HCFC2: variants seen among roughly 807,000 people sequenced by gnomAD.
HCFC2 encodes host cell factor C2.
Under a neutral mutation model 89.2 loss-of-function variants are expected in HCFC2, and 18 were observed. That is an observed-to-expected ratio of 0.20 (90% CI 0.14 to 0.30). The LOEUF (loss-of-function observed/expected upper bound fraction) is 0.30, where lower values mean the gene tolerates loss of function less well. Among genes scored for constraint, HCFC2 ranks in the 10% least tolerant of loss-of-function variants. The pLI is 1.00. For missense variants in HCFC2, 578 were observed against 956.1 expected (o/e 0.60, Z 5.21); for synonymous variants, 308 against 335.7 (o/e 0.92, Z 0.90).
Position 104,103,834 on chromosome 12 carries a change from G to A in HCFC2, c.*561G>A, listed in dbSNP as rs1017219207. 3 of 152,052 alleles carry A rather than the reference G, an allele frequency of 2.0e-5. No individual in the cohort carries two copies. Among genetic ancestry groups the A allele is most frequent in the African/African-American group, 7.2e-5 (3 of 41,420 alleles). 9.4% of individuals were successfully genotyped at this position (152,052 alleles called of 1,614,324 possible). ...GCACAGAGCTTAAGAAATTAAAAAA[G>A]AGGCAAGTTTAGAAACTGCTTTTGA... On this transcript the variant is annotated 3_prime_UTR_variant, in exon 15 of 15. Transcript: ENST00000229330.
At chr12:104,072,055 A>G (rs1883339580) in intron 3 of HCFC2, among the ~76,000 whole-genome samples, 1 of 152,046 alleles carries the variant, frequency 6.6e-6, no homozygotes, top group Non-Finnish European at 1.5e-5. Flanking sequence ...GATATGTTTT[A>G]TGTTTTATTT....
chr12:104,073,985 A>G (rs1187494548), intron 3 of HCFC2, among the ~76,000 whole-genome samples: 1 of 152,208 alleles, frequency 6.6e-6, no homozygotes. Flanking sequence ...ATGGCCTATG[A>G]AGCCTAAAAT....
chr12:104,092,186 G>C (rs1483893638), intron 9 of HCFC2, among the ~76,000 whole-genome samples: 1 of 152,170 alleles, frequency 6.6e-6, no homozygotes, highest in Non-Finnish European at 1.5e-5. Flanking sequence ...TAAATGTGGC[G>C]GCTGGGTTCT....
chr12:104,065,050 G>T, intron 1 of HCFC2: 9 of 236,630 alleles, frequency 3.8e-5, no homozygotes, highest in Non-Finnish European at 5.6e-5. Flanking sequence ...GCCACTCCCC[G>T]AAATCTCGCC....
intron 9 of HCFC2, among the ~76,000 whole-genome samples, chr12:104,092,797 AT>A (rs549047399): frequency 9.9e-5 from 15 of 152,058 alleles, no homozygotes; most frequent in Non-Finnish European, 2.1e-4. Flanking sequence ...AGTAGTAATA[AT>A]TTTTTTTAAA....
At chr12:104,089,349 T>TA (rs1048034012) in intron 9 of HCFC2, among the ~76,000 whole-genome samples, 4 of 151,514 alleles carry the variant, frequency 2.6e-5, no homozygotes, top group Admixed American at 1.3e-4. Flanking sequence ...TGTCTCTCCT[T>TA]AAAAAAAATG....
chr12:104,091,482 T>C (rs2136621282), intron 9 of HCFC2, among the ~76,000 whole-genome samples: 1 of 152,374 alleles, frequency 6.6e-6, no homozygotes, highest in East Asian at 1.9e-4. Context: ...TCTTCTGCCA[T>C]TCTCTTTTTC....
chr12:104,099,896 A>G (rs2029883069), intron 13 of HCFC2, among the ~76,000 whole-genome samples: 2 of 152,066 alleles, frequency 1.3e-5, no homozygotes, highest in Non-Finnish European at 2.9e-5. Flanking sequence ...GGCTCAAGTG[A>G]TCCTTCCATC....
At chr12:104,074,928 G>C (rs928344584) in intron 3 of HCFC2, among the ~76,000 whole-genome samples, 10 of 151,972 alleles carry the variant, frequency 6.6e-5, no homozygotes, top group Admixed American at 5.9e-4. Context: ...CCTGGGATTG[G>C]TATATGATCT....
At chr12:104,092,027 TAGAG>T (rs982905238) in intron 9 of HCFC2, among the ~76,000 whole-genome samples, 6 of 151,984 alleles carry the variant, frequency 3.9e-5, no homozygotes, top group East Asian at 1.9e-4. Context: ...ACAATAAAAA[TAGAG>T]AGAGAACAGT....
intron 9 of HCFC2, among the ~76,000 whole-genome samples, chr12:104,089,196 T>C (rs971251181): frequency 2.0e-5 from 3 of 152,174 alleles, no homozygotes; most frequent in African/African-American, 7.2e-5. Context: ...CCCACAGATA[T>C]GGAGGACCAA....
chr12:104,069,615 C>T (rs1045943509), intron 3 of HCFC2, among the ~76,000 whole-genome samples: 15 of 150,348 alleles, frequency 1.0e-4, no homozygotes, highest in African/African-American at 3.6e-4. Flanking sequence ...TCCTGCTGCT[C>T]CATCCATGCT....
chr12:104,096,376 A>G lies in HCFC2; in HGVS notation c.1683A>G (p.Ala561=), dbSNP rs1399735988. The G allele has an allele frequency of 6.2e-7, 1 of 1,604,814 alleles. No individual in the cohort carries two copies. Among genetic ancestry groups the G allele is most frequent in the Non-Finnish European group, 8.5e-7 (1 of 1,173,738 alleles). Residue 561 remains alanine (A), a synonymous_variant, in exon 12 of 15, where the codon GCA becomes GCG. Transcript: ENST00000229330. ...AATTTTTAGTTGATGAAACATATGC[A>G]CTGCCTGCAACGAAGATCAGCCGTG... ...STKSEVDETY[A]LPATKISRVE...
At chr12:104,085,655 C>G (rs1883812988) in intron 7 of HCFC2, among the ~76,000 whole-genome samples, 2 of 151,150 alleles carry the variant, frequency 1.3e-5, no homozygotes, top group African/African-American at 2.4e-5. Context: ...TGCTTTTCCT[C>G]TTGATAAGTT....
chr12:104,087,900 T>TTA (rs1883915634), intron 8 of HCFC2, 86 bp from the exon 9 acceptor site: 2 of 716,928 alleles, frequency 2.8e-6, no homozygotes, highest in Non-Finnish European at 4.2e-6. Context: ...TTTTTAAACT[T>TTA]TAATATGTAA....
intron 3 of HCFC2, among the ~76,000 whole-genome samples, chr12:104,072,609 T>G (rs1405511855): frequency 6.6e-6 from 1 of 152,122 alleles, no homozygotes; most frequent in Non-Finnish European, 1.5e-5. Flanking sequence ...TTCCTAAGTT[T>G]TTTATTCTTT....
intron 7 of HCFC2, 37 bp from the exon 8 acceptor site, chr12:104,086,810 G>T (rs1883864467): frequency 6.3e-7 from 1 of 1,584,316 alleles, no homozygotes. Flanking sequence ...TTTATACACT[G>T]GAAACTTAAA....
chr12:104,098,485 C>CTAT lies in HCFC2; in HGVS notation c.1878+7_1878+9dup. On this transcript the variant is annotated splice_donor_region_variant and intron_variant, in intron 13 of 14. Coordinates refer to ENST00000229330, the MANE Select transcript of HCFC2 (RefSeq NM_013320.3). ...GGGAAGCAAAGCATCTCAAAGGTAG[C>CTAT]TATTGATATATTTTCTACATTGTAA... 6.3e-7 allele frequency: 1 copy of CTAT among 1,595,288 alleles called. No homozygotes were observed. Among genetic ancestry groups the CTAT allele is most frequent in the Non-Finnish European group, 8.5e-7 (1 of 1,173,138 alleles).
At chr12:104,097,848 A>C (rs907350902) in intron 12 of HCFC2, among the ~76,000 whole-genome samples, 1 of 152,216 alleles carries the variant, frequency 6.6e-6, no homozygotes, top group Non-Finnish European at 1.5e-5. Flanking sequence ...TTTAGTTTTG[A>C]ACATTTTTTC....
Sources: gnomAD v4.1 joint callset for allele counts (sites outside exome capture counted in the v4.1 genomes callset) on GRCh38, gnomAD v4.1.1 for gene constraint, MANE v1.5 for transcripts, NCBI Gene and HGNC (gene_info 2026-07-23, HGNC 2026-07-21) for gene names.